Variants in PTPRF observed in about 807,000 individuals in gnomAD.
PTPRF encodes protein tyrosine phosphatase receptor type F, also known as receptor-type tyrosine-protein phosphatase F.
PTPRF carries 59 observed loss-of-function variants against 201.8 expected under a neutral mutation model. That is an observed-to-expected ratio of 0.29 (90% confidence interval 0.24 to 0.36). The LOEUF (loss-of-function observed/expected upper bound fraction) is 0.36, where lower values mean the gene tolerates loss of function less well. Among genes scored for constraint, PTPRF ranks in the 10% least tolerant of loss-of-function variants. PTPRF has a pLI of 1.00. For missense variants in PTPRF, 2,132 were observed against 2,690.5 expected (o/e 0.79, Z 4.59); for synonymous variants, 1,088 against 1,089.7 (o/e 1.00, Z 0.03).
intron 1 of PTPRF, among the ~76,000 whole-genome samples, chr1:43,535,002 G>C (rs780125145): frequency 3.9e-5 from 6 of 152,234 alleles, no homozygotes; most frequent in Non-Finnish European, 7.3e-5. Context: ...CATCTAGTGA[G>C]TACTGTTGTC....
intron 23 of PTPRF, among the ~76,000 whole-genome samples, chr1:43,615,292 G>A (rs1204060161): frequency 6.6e-6 from 1 of 152,186 alleles, no homozygotes; most frequent in Non-Finnish European, 1.5e-5. Context: ...AGCCCGTAAG[G>A]TGGGCTCCCT....
chr1:43,573,489 GC>G (rs1299233024), intron 6 of PTPRF, among the ~76,000 whole-genome samples: 2 of 152,208 alleles, frequency 1.3e-5, no homozygotes, highest in Non-Finnish European at 2.9e-5. Context: ...GCAGGAGGAG[GC>G]CCGTGGGTGG....
At chr1:43,618,902 A>G in intron 26 of PTPRF, 146 bp from the exon 27 acceptor site, 1 of 1,434,936 alleles carries the variant, frequency 7.0e-7, no homozygotes, top group Middle Eastern at 1.9e-4. Context: ...TGTTATGGGA[A>G]CAGTGCTAGG....
chr1:43,527,570 A>G (rs373913297), upstream of PTPRF, among the ~76,000 whole-genome samples: 10 of 152,354 alleles, frequency 6.6e-5, no homozygotes, highest in East Asian at 1.3e-3. Flanking sequence ...GCAGACGCCA[A>G]TGGGTTAGGA....
intron 6 of PTPRF, among the ~76,000 whole-genome samples, chr1:43,576,700 C>G (rs1294709339): frequency 2.0e-5 from 3 of 152,248 alleles, no homozygotes; most frequent in Admixed American, 6.5e-5. Context: ...TCACGGCCAC[C>G]TGCCGCACAG....
At chr1:43,585,180 G>A in intron 7 of PTPRF, among the ~76,000 whole-genome samples, 1 of 152,168 alleles carries the variant, frequency 6.6e-6, no homozygotes, top group Middle Eastern at 3.2e-3. Flanking sequence ...CCAGGGTGAG[G>A]CCTGTTCCTT....
At chr1:43,531,680 C>T (rs1171155117) in intron 1 of PTPRF, among the ~76,000 whole-genome samples, 1 of 151,956 alleles carries the variant, frequency 6.6e-6, no homozygotes, top group Admixed American at 6.5e-5. Flanking sequence ...CCCCCCACCC[C>T]CTTCGTTCGC....
At position 43,553,647 on chromosome 1, in the gene PTPRF, T is replaced by TGGTGGGAAGG; in HGVS notation, c.237+14_237+23dup. 6.2e-7 allele frequency: 1 copy of TGGTGGGAAGG among 1,613,932 alleles called. No individual in the cohort carries two copies. The highest frequency in any genetic ancestry group is 8.5e-7 in the Non-Finnish European group (1 of 1,179,954). ...CTCCCAGCGCTTCGAGGTGCGTCTG[T>TGGTGGGAAGG]GGTGGGAAGGGGTCGGCAGGGCTCA... On this transcript the variant is annotated intron_variant, in intron 4 of 33. Transcript: ENST00000359947. The surrounding 1 kb of genome is among the most constrained non-coding windows in gnomAD (Gnocchi z 4.1).
Position 43,606,937 on chromosome 1 carries a change from C to A in PTPRF, c.3826C>A (p.Leu1276Ile), listed in dbSNP as rs754919062. The change falls in exon 21 of 34, where the codon CTC becomes ATC. Residue 1276 changes from leucine (L) to isoleucine (I), a missense_variant. Physicochemically the swap from Leu to Ile is conservative, Grantham distance 5. Coordinates refer to ENST00000359947, the MANE Select transcript of PTPRF (RefSeq NM_002840.5). ...CGTGCTGGCAGTCATCCTCATCATC[C>A]TCATTGTCATCGCCATCCTCTTGTT... ...GPVLAVILII[L>I]IVIAILLFKR... 38 of 1,614,054 alleles carry A rather than the reference C, an allele frequency of 2.4e-5. No homozygotes were observed. The highest frequency in any genetic ancestry group is 1.6e-4 in the Middle Eastern group (1 of 6,074).
At chr1:43,600,926 T>C (rs1653599048) in intron 13 of PTPRF, among the ~76,000 whole-genome samples, 1 of 152,098 alleles carries the variant, frequency 6.6e-6, no homozygotes, top group South Asian at 2.1e-4. Flanking sequence ...CCATGTGATG[T>C]GAGAACCTCC....
chr1:43,596,276 G>C (rs1233028939), intron 11 of PTPRF, among the ~76,000 whole-genome samples: 2 of 152,206 alleles, frequency 1.3e-5, no homozygotes, highest in Non-Finnish European at 2.9e-5. Flanking sequence ...CGTGATTCTG[G>C]AGGGAGGGCC....
At chr1:43,595,516 G>A (rs982671445) in intron 11 of PTPRF, among the ~76,000 whole-genome samples, 7 of 152,300 alleles carry the variant, frequency 4.6e-5, no homozygotes, top group Admixed American at 1.3e-4. Context: ...CACCGCGCCC[G>A]GCCTGGGATT....
chr1:43,579,221 C>A, intron 7 of PTPRF: 1 of 605,086 alleles, frequency 1.7e-6, no homozygotes. Flanking sequence ...TGGAGCCATC[C>A]AATCCGACTT....
At chr1:43,590,906 A>G in intron 8 of PTPRF, 66 bp from the exon 9 acceptor site, 1 of 1,401,866 alleles carries the variant, frequency 7.1e-7, no homozygotes, top group East Asian at 2.3e-5. Flanking sequence ...GATAATCCCC[A>G]AGTCTAGGGT....
At chr1:43,619,259 G>A in intron 27 of PTPRF, 29 bp from the exon 28 acceptor site, 1 of 1,610,622 alleles carries the variant, frequency 6.2e-7, no homozygotes, top group Non-Finnish European at 8.5e-7. Context: ...GGGGGCGCCT[G>A]TGCCTCAAGC....
Position 43,583,533 on chromosome 1 carries a change from C to T in PTPRF, c.679+4613C>T, listed in dbSNP as rs116758352. Reference sequence around the variant, plus strand: ...TTTCACCGCCCTCCTCGCCTAGAGACCCAGGCTCAGCCGAAACTACTGGAA... The same window carrying T: ...TTTCACCGCCCTCCTCGCCTAGAGATCCAGGCTCAGCCGAAACTACTGGAA... On this transcript the variant is annotated intron_variant, in intron 7 of 33. Coordinates refer to ENST00000359947, the MANE Select transcript of PTPRF (RefSeq NM_002840.5). Among the ~76,000 whole-genome samples, 488 of 152,290 alleles carry T rather than the reference C, an allele frequency of 3.2e-3. 4 individuals carry two copies. The highest frequency in any genetic ancestry group is 4.3e-3 in the Non-Finnish European group (295 of 68,016).
intron 5 of PTPRF, among the ~76,000 whole-genome samples, chr1:43,555,900 C>T (rs955424624): frequency 1.3e-5 from 2 of 152,138 alleles, no homozygotes; most frequent in African/African-American, 2.4e-5. Context: ...TGTTCACCTT[C>T]CTGATTATTC....
intron 5 of PTPRF, among the ~76,000 whole-genome samples, chr1:43,555,445 T>A (rs910858110): frequency 3.2e-4 from 44 of 137,544 alleles, no homozygotes; most frequent in African/African-American, 1.0e-3. Flanking sequence ...CATTATTCTT[T>A]TTTTTTTTTT....
rs533969418 is a variant in PTPRF at position 43,574,277 on chromosome 1, T to G, written c.568+4499T>G. On this transcript the variant is annotated intron_variant, in intron 6 of 33. Transcript: ENST00000359947. The stretch of plus-strand genomic sequence containing the variant: ...TCCCAAAGTGCTGGGATTACAGGGG[T>G]GAGCCACCGTGCCCAGCCATTGTGT... Among the ~76,000 whole-genome samples the G allele has an allele frequency of 1.3e-3, 197 of 152,170 alleles. 1 individual carries two copies. The highest frequency in any genetic ancestry group is 4.5e-3 in the African/African-American group (188 of 41,488).
Sources: gnomAD v4.1 joint callset for allele counts (sites outside exome capture counted in the v4.1 genomes callset) on GRCh38, gnomAD v4.1.1 for gene constraint, Gnocchi (gnomAD v3.1) non-coding constraint, MANE v1.5 for transcripts, NCBI Gene and HGNC (gene_info 2026-07-23, HGNC 2026-07-21) for gene names.